Variants in MSH4 observed in about 807,000 individuals in gnomAD.
The protein encoded by MSH4 is mutS protein homolog 4.
A neutral mutation model predicts 113.7 loss-of-function variants in MSH4; 106 were observed. That is an observed-to-expected ratio of 0.93 (90% CI 0.80 to 1.10). The LOEUF is 1.10. Among genes scored for constraint, MSH4 ranks in the 50% least tolerant of loss-of-function variants. The pLI, the probability that MSH4 is intolerant of heterozygous loss-of-function variation, is 0.00. For missense variants in MSH4, 1,061 were observed against 1,093.7 expected (o/e 0.97, Z 0.42); for synonymous variants, 368 against 380.2 (o/e 0.97, Z 0.37).
At chr1:75,881,459 A>C in intron 14 of MSH4, 89 bp downstream of exon 14, 1 of 1,384,152 alleles carries the variant, frequency 7.2e-7, no homozygotes, top group South Asian at 1.3e-5. Context: ...GACATTTAAA[A>C]TTTTTAACTT....
At position 75,851,964 on chromosome 1, in the gene MSH4, A is replaced by C. The variant is rs1030457902; in HGVS notation, c.1230+3688A>C. 2.6e-5 allele frequency among the ~76,000 whole-genome samples: 4 copies of C among 152,324 alleles called. No individual in the cohort carries two copies. In the East Asian group the frequency reaches 5.8e-4, roughly 22 times the overall value. On this transcript the variant is annotated intron_variant, in intron 8 of 19. Coordinates refer to ENST00000263187, the MANE Select transcript of MSH4 (RefSeq NM_002440.4). Reference sequence around the variant, plus strand: ...CACAGAGTTGTACAACCATCACCACAGTCAATTTTAGAACATTTTAATCAT... The same window carrying C: ...CACAGAGTTGTACAACCATCACCACCGTCAATTTTAGAACATTTTAATCAT...
At chr1:75,809,139 T>A (rs1650132596) in intron 3 of MSH4, among the ~76,000 whole-genome samples, 1 of 152,118 alleles carries the variant, frequency 6.6e-6, no homozygotes, top group Non-Finnish European at 1.5e-5. Flanking sequence ...TAGACTCGAG[T>A]GATCCTGCCC....
chr1:75,839,421 G>A (rs537528139), intron 7 of MSH4, among the ~76,000 whole-genome samples: 21 of 152,106 alleles, frequency 1.4e-4, no homozygotes, highest in Admixed American at 7.9e-4. Flanking sequence ...CACCATGTTG[G>A]CCAGGCTGGT....
intron 11 of MSH4, 54 bp downstream of exon 11, chr1:75,878,372 A>T (rs1169750276): frequency 7.1e-7 from 1 of 1,404,460 alleles, no homozygotes; most frequent in Non-Finnish European, 9.6e-7. Flanking sequence ...CCTTTTCAGG[A>T]CATGCTGTCC....
chr1:75,871,253 A>G (rs1252596081), intron 9 of MSH4, among the ~76,000 whole-genome samples: 2 of 152,214 alleles, frequency 1.3e-5, no homozygotes, highest in Admixed American at 1.3e-4. Context: ...GAAACTGCCC[A>G]CATTATTCAA....
chr1:75,838,059 T>C (rs1199770706), intron 7 of MSH4, among the ~76,000 whole-genome samples: 2 of 152,190 alleles, frequency 1.3e-5, no homozygotes, highest in Non-Finnish European at 2.9e-5. Flanking sequence ...ATATAAAACA[T>C]CACCACAAAT....
At chr1:75,869,925 T>C (rs1480254974) in intron 9 of MSH4, among the ~76,000 whole-genome samples, 1 of 152,172 alleles carries the variant, frequency 6.6e-6, no homozygotes, top group Non-Finnish European at 1.5e-5. Flanking sequence ...GACTCCAGAA[T>C]GGTAGATCCA....
At chr1:75,845,049 G>A (rs1324670835) in intron 7 of MSH4, among the ~76,000 whole-genome samples, 2 of 152,188 alleles carry the variant, frequency 1.3e-5, no homozygotes, top group African/African-American at 2.4e-5. Flanking sequence ...CCACTTCTGT[G>A]ATAATGGCAT....
chr1:75,813,478 A>G (rs2100512406), intron 4 of MSH4, among the ~76,000 whole-genome samples: 1 of 152,202 alleles, frequency 6.6e-6, no homozygotes, highest in Middle Eastern at 3.4e-3. Flanking sequence ...AACTTCTTGG[A>G]GCTTCAGTTT....
intron 15 of MSH4, among the ~76,000 whole-genome samples, chr1:75,885,047 G>GTATATATATATATA (rs1223601707): frequency 9.2e-6 from 1 of 108,948 alleles, no homozygotes; most frequent in African/African-American, 4.5e-5. Context: ...GTGTGTGTGT[G>GTATATATATATATA]TGTGTGTGTG....
intron 17 of MSH4, among the ~76,000 whole-genome samples, chr1:75,893,611 A>G (rs1652307793): frequency 1.3e-5 from 2 of 152,188 alleles, no homozygotes; most frequent in African/African-American, 2.4e-5. Context: ...CACTTCCACC[A>G]CATTTCTTTG....
chr1:75,872,261 A>C (rs1420160197), intron 9 of MSH4, among the ~76,000 whole-genome samples: 2 of 152,234 alleles, frequency 1.3e-5, no homozygotes, highest in Non-Finnish European at 1.5e-5. Context: ...ATGATGCTCC[A>C]CATAGGGCCA....
intron 7 of MSH4, among the ~76,000 whole-genome samples, chr1:75,831,123 A>AG (rs1382060175): frequency 2.6e-5 from 4 of 152,184 alleles, no homozygotes; most frequent in Non-Finnish European, 4.4e-5. Context: ...AAACAAAAAA[A>AG]GCAGGGGTTG....
Position 75,797,010 on chromosome 1 carries a change from A to T in MSH4, c.25A>T (p.Thr9Ser). The change falls in exon 1 of 20, where the codon ACC becomes TCC. Residue 9 changes from threonine to serine, a missense_variant. Thr to Ser is a moderately conservative substitution (Grantham distance 58, BLOSUM62 1). Transcript: ENST00000263187. ...GATGCTGAGGCCTGAGATCTCATCA[A>T]CCTCGCCTTCTGCCCCGGCGGTTTC... MLRPEISS[T>S]SPSAPAVSPS... 1 of 1,613,954 alleles carries T rather than the reference A, an allele frequency of 6.2e-7. No homozygotes were observed. Among genetic ancestry groups the T allele is most frequent in the Non-Finnish European group, 8.5e-7 (1 of 1,179,990 alleles).
chr1:75,834,737 A>C (rs1296249214), intron 7 of MSH4, among the ~76,000 whole-genome samples: 4 of 152,204 alleles, frequency 2.6e-5, no homozygotes. Flanking sequence ...CAATGAGAAC[A>C]CTTGGACACG....
In MSH4 at chr1:75,837,854, GCTT is replaced by G. The variant is rs918548495; in HGVS notation, c.1163-10349_1163-10347del. Among the ~76,000 whole-genome samples the G allele has an allele frequency of 1.3e-3, 196 of 152,138 alleles. 1 individual carries two copies. The highest frequency in any genetic ancestry group is 4.1e-3 in the African/African-American group (171 of 41,520). ...TGCTATATACCTCTTGGATGTATCTGCTTCTTCTATCCCCATGGCTGCCACTCC... is the reference window on the plus strand; with the variant it reads ...TGCTATATACCTCTTGGATGTATCTGCTTCTATCCCCATGGCTGCCACTCC... On this transcript the variant is annotated intron_variant, in intron 7 of 19. Transcript: ENST00000263187.
At chr1:75,880,990 G>C (rs544209089) in intron 13 of MSH4, among the ~76,000 whole-genome samples, 8 of 151,876 alleles carry the variant, frequency 5.3e-5, no homozygotes, top group Non-Finnish European at 1.0e-4. Context: ...TCATATAAAA[G>C]CAGTTATTTC....
intron 7 of MSH4, among the ~76,000 whole-genome samples, chr1:75,828,021 A>G (rs1330907953): frequency 6.6e-6 from 1 of 152,214 alleles, no homozygotes. Flanking sequence ...TTCTCAAAAG[A>G]AAGACATACA....
rs190849014 is a variant in MSH4, at chr1:75,807,108, A to T, written c.555A>T (p.Leu185=). 3.2e-6 allele frequency: 5 copies of T among 1,573,666 alleles called. No individual in the cohort carries two copies. The highest frequency in any genetic ancestry group is 2.8e-5 in the African/African-American group (2 of 72,208). The change falls in exon 3 of 20, where the codon CTA becomes CTT. Residue 185 remains leucine (L), a synonymous_variant. Coordinates refer to ENST00000263187, the MANE Select transcript of MSH4 (RefSeq NM_002440.4). ...SIDLKNPQII[L]SQFADNTTYA... The stretch of plus-strand genomic sequence containing the variant: ...ATTTAAAAAACCCCCAAATTATACT[A>T]TCCCAGTTTGCAGACAACACAACAT...
Sources: gnomAD v4.1 joint callset for allele counts (sites outside exome capture counted in the v4.1 genomes callset) on GRCh38, gnomAD v4.1.1 for gene constraint, MANE v1.5 for transcripts, NCBI Gene and HGNC (gene_info 2026-07-23, HGNC 2026-07-21) for gene names.